ZMIZ1: variants seen among roughly 807,000 people sequenced by gnomAD.
The protein encoded by ZMIZ1 is zinc finger MIZ domain-containing protein 1.
In ZMIZ1, 17 loss-of-function variants were observed where a neutral mutation model predicts 113.9. The observed-to-expected ratio is 0.15, with a 90% CI of 0.10 to 0.22. The LOEUF is 0.22. Among genes scored for constraint, ZMIZ1 ranks in the 10% least tolerant of loss-of-function variants. ZMIZ1 has a pLI of 1.00. For missense variants in ZMIZ1, 1,059 were observed against 1,477.8 expected (o/e 0.72, Z 4.65); for synonymous variants, 607 against 603.1 (o/e 1.01, Z -0.09).
intron 7 of ZMIZ1, among the ~76,000 whole-genome samples, chr10:79,239,175 AG>A (rs762016769): frequency 1.3e-5 from 2 of 152,214 alleles, no homozygotes; most frequent in East Asian, 3.8e-4. Flanking sequence ...CAGAAGCCCC[AG>A]GAAGGGGTCT....
intron 7 of ZMIZ1, among the ~76,000 whole-genome samples, chr10:79,250,368 G>A (rs1319221163): frequency 6.6e-6 from 1 of 152,202 alleles, no homozygotes; most frequent in African/African-American, 2.4e-5. Flanking sequence ...CTTCCAGCAT[G>A]GCCACTGTAA....
intron 2 of ZMIZ1, among the ~76,000 whole-genome samples, chr10:79,131,912 G>A (rs117753781): frequency 5.9e-5 from 9 of 152,334 alleles, no homozygotes; most frequent in Non-Finnish European, 1.2e-4. Context: ...TTCAGAGCGC[G>A]TTCCTGAGAG....
At chr10:79,105,482 A>G (rs1843522329) in intron 1 of ZMIZ1, among the ~76,000 whole-genome samples, 1 of 152,224 alleles carries the variant, frequency 6.6e-6, no homozygotes, top group Non-Finnish European at 1.5e-5. Flanking sequence ...AAGGTAAACA[A>G]AAGTGACCGT....
At chr10:79,131,910 G>A (rs1027998130) in intron 2 of ZMIZ1, among the ~76,000 whole-genome samples, 3 of 152,176 alleles carry the variant, frequency 2.0e-5, no homozygotes, top group Non-Finnish European at 2.9e-5. Flanking sequence ...AGTTCAGAGC[G>A]CGTTCCTGAG....
intron 11 of ZMIZ1, chr10:79,292,718 T>G: frequency 2.1e-6 from 1 of 471,488 alleles, no homozygotes; most frequent in Non-Finnish European, 4.2e-6. Flanking sequence ...GTGACCGGTC[T>G]GTCTCCTGGA....
intron 7 of ZMIZ1, among the ~76,000 whole-genome samples, chr10:79,265,293 G>A (rs779290759): frequency 6.6e-6 from 1 of 152,158 alleles, no homozygotes; most frequent in African/African-American, 2.4e-5. Flanking sequence ...GGTAGGGCAG[G>A]GTGAGCTGGG....
intron 4 of ZMIZ1, among the ~76,000 whole-genome samples, chr10:79,199,054 A>G (rs1458235954): frequency 6.6e-6 from 1 of 151,840 alleles, no homozygotes; most frequent in Non-Finnish European, 1.5e-5. Context: ...AATTGGAAAA[A>G]GCTTCAGGGT....
intron 1 of ZMIZ1, among the ~76,000 whole-genome samples, chr10:79,070,566 C>CGG (rs1231970684): frequency 6.6e-6 from 1 of 152,100 alleles, no homozygotes; most frequent in Admixed American, 6.5e-5. Context: ...CGGGGACAGC[C>CGG]GGTCGGCACT....
intron 4 of ZMIZ1, among the ~76,000 whole-genome samples, chr10:79,191,258 C>T (rs1847588135): frequency 2.0e-5 from 3 of 152,098 alleles, no homozygotes; most frequent in Admixed American, 6.5e-5. Context: ...GGATTTGGAG[C>T]CTTGGGGAGC....
At chr10:79,226,144 T>C (rs1849190359) in intron 7 of ZMIZ1, among the ~76,000 whole-genome samples, 1 of 151,932 alleles carries the variant, frequency 6.6e-6, no homozygotes, top group Admixed American at 6.6e-5. Context: ...CACACAGCCC[T>C]TCACCCTCCC....
At chr10:79,123,473 A>T (rs1305806553) in intron 2 of ZMIZ1, among the ~76,000 whole-genome samples, 2 of 152,172 alleles carry the variant, frequency 1.3e-5, no homozygotes, top group Non-Finnish European at 2.9e-5. Context: ...ACTTTCTAGC[A>T]TGAAGAGTGG....
chr10:79,256,170 C>A (rs532262876), intron 7 of ZMIZ1, among the ~76,000 whole-genome samples: 3 of 152,332 alleles, frequency 2.0e-5, no homozygotes, highest in South Asian at 4.1e-4. Flanking sequence ...GTCATAAACT[C>A]ATTTATACTA....
intron 7 of ZMIZ1, among the ~76,000 whole-genome samples, chr10:79,266,882 A>T (rs576092140): frequency 6.6e-6 from 1 of 152,342 alleles, no homozygotes; most frequent in Non-Finnish European, 1.5e-5. Context: ...CTCAGGGCTC[A>T]TGAGTCAGAC....
chr10:79,074,690 C>T (rs1422097517), intron 1 of ZMIZ1, among the ~76,000 whole-genome samples: 14 of 152,234 alleles, frequency 9.2e-5, no homozygotes, highest in East Asian at 1.9e-4. Context: ...GCACCCACTC[C>T]GTGTGAGACC....
rs150429210 is a variant in ZMIZ1, at chr10:79,197,637, C to CCCCT, written c.-49-3947_-49-3946insCCCT. On this transcript the variant is annotated intron_variant, in intron 4 of 24. Coordinates refer to ENST00000334512, the MANE Select transcript of ZMIZ1 (RefSeq NM_020338.4). ...ACACACACACACACACACACACACA[C>CCCCT]ACACACCTGTACCCTGTCCCCTCCC... Among the ~76,000 whole-genome samples the CCCCT allele has an allele frequency of 3.0e-3, 454 of 149,360 alleles. 1 individual carries two copies. Among genetic ancestry groups the CCCCT allele is most frequent in the Non-Finnish European group, 4.8e-3 (325 of 67,226 alleles).
intron 3 of ZMIZ1, among the ~76,000 whole-genome samples, chr10:79,140,856 C>G (rs1845226805): frequency 6.6e-6 from 1 of 152,116 alleles, no homozygotes; most frequent in African/African-American, 2.4e-5. Context: ...GAACATGATT[C>G]ACTGCAGCCT....
chr10:79,195,210 C>G (rs998631227), intron 4 of ZMIZ1, among the ~76,000 whole-genome samples: 2 of 152,248 alleles, frequency 1.3e-5, no homozygotes, highest in Non-Finnish European at 2.9e-5. Flanking sequence ...TGGTATTTGA[C>G]AGGCTGCCAA....
Position 79,300,803 on chromosome 10 carries a change from C to T in ZMIZ1, c.1880C>T (p.Ser627Leu). The T allele has an allele frequency of 1.2e-6, 2 of 1,613,966 alleles. No individual in the cohort carries two copies. Among genetic ancestry groups the T allele is most frequent in the Non-Finnish European group, 8.5e-7 (1 of 1,180,006 alleles). The change falls in exon 17 of 25, where the codon TCG becomes TTG. Residue 627 changes from serine (S) to leucine (L), a missense_variant. This residue lies in a region of ZMIZ1 where 217 missense variants were observed against 426.9 expected (regional missense o/e 0.51). Transcript: ENST00000334512. ...DRQMNTNWPASVQVSVNATPL... is the reference protein window; with the variant it reads ...DRQMNTNWPALVQVSVNATPL... ...CAGATGAACACCAACTGGCCCGCCTCGGTGCAGGTCAGCGTGAACGCCACG... is the reference window on the plus strand; with the variant it reads ...CAGATGAACACCAACTGGCCCGCCTTGGTGCAGGTCAGCGTGAACGCCACG...
rs576737838 is a variant in ZMIZ1 at position 79,216,845 on chromosome 10, T to C, written c.280+571T>C. Among the ~76,000 whole-genome samples, 11 of 152,368 alleles carry C rather than the reference T, an allele frequency of 7.2e-5. No homozygotes were observed. In the South Asian group the frequency reaches 2.1e-3, roughly 29 times the overall value. On this transcript the variant is annotated intron_variant, in intron 7 of 24. Transcript: ENST00000334512. ...CACTCAGGGTTCCGTATTGCAACTTTGTCATCACCTGCGGTCTCCTGACCT... is the reference window on the plus strand; with the variant it reads ...CACTCAGGGTTCCGTATTGCAACTTCGTCATCACCTGCGGTCTCCTGACCT...
Sources: allele counts gnomAD v4.1 joint callset (sites outside exome capture counted in the v4.1 genomes callset), GRCh38; gene constraint gnomAD v4.1.1; regional missense constraint gnomAD v4.1.1; transcripts MANE v1.5; gene names NCBI Gene and HGNC (gene_info 2026-07-23, HGNC 2026-07-21).